Variants in EVC2 observed in about 807,000 individuals in gnomAD.
The protein encoded by EVC2 is limbin.
A neutral mutation model predicts 149.3 loss-of-function variants in EVC2; 148 were observed. The observed-to-expected ratio is 0.99, with a 90% CI of 0.87 to 1.14. The LOEUF (loss-of-function observed/expected upper bound fraction) is 1.14, where lower values mean the gene tolerates loss of function less well. Ranked by LOEUF, EVC2 falls within the 50% of genes most tolerant of loss-of-function variation. EVC2 has a pLI of 0.00. For synonymous variants in EVC2, 776 were observed against 649.9 expected, an observed-to-expected ratio of 1.19 and a Z score of -2.95; for missense variants, 1,854 against 1,627.3, an observed-to-expected ratio of 1.14 and a Z score of -2.40.
At chr4:5,616,406 G>A (rs945825557) in intron 15 of EVC2, among the ~76,000 whole-genome samples, 2 of 147,674 alleles carry the variant, frequency 1.4e-5, no homozygotes, top group African/African-American at 5.4e-5. Flanking sequence ...AGCCCTGGGG[G>A]CCACCAGCAG....
chr4:5,665,768 G>C, intron 7 of EVC2, 119 bp from the exon 8 acceptor site: 3 of 1,476,316 alleles, frequency 2.0e-6, no homozygotes, highest in Non-Finnish European at 2.8e-6. Flanking sequence ...GCTTGCATTT[G>C]AGTCTCGCTC....
intron 1 of EVC2, among the ~76,000 whole-genome samples, chr4:5,704,467 C>T (rs993695555): frequency 6.6e-6 from 1 of 152,066 alleles, no homozygotes; most frequent in Non-Finnish European, 1.5e-5. Flanking sequence ...GCCTGTGAGC[C>T]TCCACGGGCC....
intron 21 of EVC2, among the ~76,000 whole-genome samples, chr4:5,556,179 CAAAAAAAAAAAAAAA>C (rs61024761): frequency 4.6e-5 from 3 of 65,020 alleles, no homozygotes; most frequent in South Asian, 2.0e-3. Context: ...GACTCCGTCT[CAAAAAAAAAAAAAAA>C]AAAAAAAAAA....
intron 14 of EVC2, among the ~76,000 whole-genome samples, chr4:5,619,961 G>A (rs1577166511): frequency 6.6e-6 from 1 of 152,188 alleles, no homozygotes; most frequent in African/African-American, 2.4e-5. Flanking sequence ...AACACCCAAC[G>A]TGGTTGGCCA....
chr4:5,574,821 T>C, intron 18 of EVC2, 49 bp from the exon 19 acceptor site: 1 of 1,529,068 alleles, frequency 6.5e-7, no homozygotes, highest in Non-Finnish European at 9.1e-7. Context: ...TATAAAGTGA[T>C]ACTATGAGAT....
chr4:5,529,815 GTTTTT>G, the EVC2 span, among the ~76,000 whole-genome samples: 15 of 132,074 alleles, frequency 1.1e-4, no homozygotes, highest in African/African-American at 4.0e-4. The surrounding 1 kb of genome is among the most constrained non-coding windows in gnomAD (Gnocchi z 4.5). Context: ...AGTTATTTAG[GTTTTT>G]TTTTTTTTTT....
chr4:5,544,703 G>C (rs963331058), intron 21 of EVC2, among the ~76,000 whole-genome samples: 2 of 152,178 alleles, frequency 1.3e-5, no homozygotes, highest in African/African-American at 4.8e-5. Context: ...GAATCACAGA[G>C]AACTAAACAG....
At position 5,696,551 on chromosome 4, in the gene EVC2, T is replaced by C. The variant is rs993858042; in HGVS notation, c.283+1042A>G. Among the ~76,000 whole-genome samples, 2 of 152,166 alleles carry C rather than the reference T, an allele frequency of 1.3e-5. No homozygotes were observed. The highest frequency in any genetic ancestry group is 2.9e-5 in the Non-Finnish European group (2 of 68,034). ...GCCGCTGGGAAGTCTGCGCTGCAGG[T>C]GCCAGCCATGAGGCTCAGGAGCCAG... On this transcript the variant is annotated intron_variant, in intron 2 of 21. Transcript: ENST00000344408. This position sits in a 1 kb window ranked among gnomAD's most constrained non-coding sequence, Gnocchi z 4.1.
chr4:5,621,901 G>C (rs1264849204), intron 14 of EVC2, among the ~76,000 whole-genome samples: 1 of 152,108 alleles, frequency 6.6e-6, no homozygotes, highest in Non-Finnish European at 1.5e-5. Context: ...ACTGCAGCAG[G>C]AGTGTTAGGT....
chr4:5,579,733 C>T (rs544880879), intron 17 of EVC2, among the ~76,000 whole-genome samples: 79 of 152,216 alleles, frequency 5.2e-4, no homozygotes, highest in African/African-American at 1.6e-3. Flanking sequence ...CCCAGCTACT[C>T]GGGAGGCTGG....
intron 21 of EVC2, among the ~76,000 whole-genome samples, chr4:5,547,746 T>A (rs889085413): frequency 5.3e-5 from 8 of 152,164 alleles, no homozygotes; most frequent in Admixed American, 4.6e-4. Context: ...GGATAAGAAC[T>A]TGGGACCTGC....
At chr4:5,545,023 G>A (rs1184465863) in intron 21 of EVC2, among the ~76,000 whole-genome samples, 1 of 152,180 alleles carries the variant, frequency 6.6e-6, no homozygotes, top group East Asian at 1.9e-4. Flanking sequence ...ACAGCCTGCT[G>A]CTCGGCCCTC....
intron 17 of EVC2, 75 bp downstream of exon 17, chr4:5,584,548 A>T: frequency 6.9e-7 from 1 of 1,453,572 alleles, no homozygotes; most frequent in Non-Finnish European, 9.5e-7. Flanking sequence ...AGCCTGTTTC[A>T]TAGAGGAAGA....
At chr4:5,588,363 T>C (rs10005374) in intron 16 of EVC2, among the ~76,000 whole-genome samples, 19,322 of 152,116 alleles carry the variant, frequency 0.13, 2,554 homozygotes, top group African/African-American at 0.34. Flanking sequence ...ATGATGCACC[T>C]TAGAAAAATT....
chr4:5,624,899 C>A (rs933819961), intron 13 of EVC2, among the ~76,000 whole-genome samples: 1 of 152,126 alleles, frequency 6.6e-6, no homozygotes, highest in Non-Finnish European at 1.5e-5. Flanking sequence ...CAACTACTTG[C>A]GTGTCACTCT....
chr4:5,658,923 C>T (rs959431133), intron 9 of EVC2, among the ~76,000 whole-genome samples: 3 of 152,210 alleles, frequency 2.0e-5, no homozygotes, highest in Non-Finnish European at 4.4e-5. Context: ...GCCAGTCCTG[C>T]CCAGTTCCTC....
intron 9 of EVC2, among the ~76,000 whole-genome samples, chr4:5,649,995 T>C (rs1201713444): frequency 6.6e-6 from 1 of 152,192 alleles, no homozygotes; most frequent in Admixed American, 6.5e-5. Context: ...ATAAGACTTA[T>C]GACAAACCAT....
At chr4:5,539,496 G>GA (rs556734344), downstream of EVC2, among the ~76,000 whole-genome samples, 69 of 151,916 alleles carry the variant, frequency 4.5e-4, 1 homozygote, top group African/African-American at 1.7e-3. Context: ...CTTTGCAAAA[G>GA]AAAAAAATAT....
chr4:5,696,381 A>G lies in EVC2; in HGVS notation c.283+1212T>C, dbSNP rs973280225. 6.6e-6 allele frequency among the ~76,000 whole-genome samples: 1 copy of G among 152,014 alleles called. No individual in the cohort carries two copies. Among genetic ancestry groups the G allele is most frequent in the Non-Finnish European group, 1.5e-5 (1 of 68,000 alleles). Reference sequence around the variant, plus strand: ...CAGTCTACAGAGCCAAGTGGGGCCCACCCGAATCCCAGCCCATCCCATTCC... The same window carrying G: ...CAGTCTACAGAGCCAAGTGGGGCCCGCCCGAATCCCAGCCCATCCCATTCC... On this transcript the variant is annotated intron_variant, in intron 2 of 21. Transcript: ENST00000344408. This position sits in a 1 kb window ranked among gnomAD's most constrained non-coding sequence, Gnocchi z 4.1.
Sources: gnomAD v4.1 joint callset for allele counts (sites outside exome capture counted in the v4.1 genomes callset) on GRCh38, gnomAD v4.1.1 for gene constraint, Gnocchi (gnomAD v3.1) non-coding constraint, MANE v1.5 for transcripts, NCBI Gene and HGNC (gene_info 2026-07-23, HGNC 2026-07-21) for gene names.